Variants in ARHGAP27 observed in about 807,000 individuals in gnomAD.
ARHGAP27 encodes rho GTPase-activating protein 27.
Under a neutral mutation model 102.0 loss-of-function variants are expected in ARHGAP27, and 53 were observed. The ratio of observed to expected loss-of-function variants is 0.52; its 90% CI spans 0.42 to 0.65. The LOEUF is 0.65. Among genes scored for constraint, ARHGAP27 ranks in the 30% least tolerant of loss-of-function variants. ARHGAP27 has a pLI of 0.00. For synonymous variants in ARHGAP27, 525 were observed against 542.8 expected (o/e 0.97, Z 0.46); for missense variants, 1,117 against 1,256.2 (o/e 0.89, Z 1.68).
Position 45,432,824 on chromosome 17 carries a change from CCCT to C in ARHGAP27, c.-360_-358del, listed in dbSNP as rs2050158800. On this transcript the variant is annotated 5_prime_UTR_variant, in exon 1 of 20. Coordinates refer to ENST00000685559, the MANE Select transcript of ARHGAP27 (RefSeq NM_001282290.2). Reference sequence around the variant, plus strand: ...GCGCGTGGGCTCGGCGTCCCGCGCTCCCTCCTCGACTGTGCGGCTCCCGCGCTG... The same window carrying C: ...GCGCGTGGGCTCGGCGTCCCGCGCTCCCTCGACTGTGCGGCTCCCGCGCTG... 6.5e-6 allele frequency: 1 copy of C among 152,968 alleles called. No homozygotes were observed. The highest frequency in any genetic ancestry group is 2.1e-4 in the South Asian group (1 of 4,862). The allele number at this position is 152,968 out of a possible 1,614,324, so 9.5% of individuals were successfully genotyped here. A position where few individuals can be genotyped will look rare whatever the true frequency, so the allele number is the denominator to read the frequency against.
At chr17:45,396,617 C>A in intron 15 of ARHGAP27, 32 bp from the exon 16 acceptor site, 1 of 1,610,988 alleles carries the variant, frequency 6.2e-7, no homozygotes, top group Non-Finnish European at 8.5e-7. Flanking sequence ...TCCTGCCCAG[C>A]CTGCGCCCCG....
Position 45,395,490 on chromosome 17 carries a change from A to T in ARHGAP27, c.2636T>A (p.Leu879Gln). 1 of 1,584,720 alleles carries T rather than the reference A, an allele frequency of 6.3e-7. No individual in the cohort carries two copies. Among genetic ancestry groups the T allele is most frequent in the Non-Finnish European group, 8.6e-7 (1 of 1,164,688 alleles). ...VFQNQVVELI[L>Q]QQCADIFPPH The stretch of plus-strand genomic sequence containing the variant: ...CGGGAAGATGTCCGCGCACTGCTGC[A>T]GGATGAGCTCCACCACCTGGTTCTG... Residue 879 changes from leucine (L) to glutamine (Q), a missense_variant, in exon 20 of 20, where the codon CTG (leucine) becomes CAG (glutamine). By Grantham distance (113) the Leu-to-Gln change is moderately radical. This residue lies in a region of ARHGAP27 where 493 missense variants were observed against 505.5 expected (regional missense o/e 0.98). Transcript: ENST00000685559.
At chr17:45,397,329 C>G in intron 13 of ARHGAP27, 1 of 1,278,246 alleles carries the variant, frequency 7.8e-7, no homozygotes, top group Non-Finnish European at 9.9e-7. Context: ...CTCAGCTCCT[C>G]TAACTGGGTC....
chr17:45,409,758 T>A (rs2047671350), intron 4 of ARHGAP27: 1 of 160,648 alleles, frequency 6.2e-6, no homozygotes, highest in African/African-American at 2.4e-5. Context: ...CCACATCCTC[T>A]GGCCTTCAAG....
Position 45,395,730 on chromosome 17 carries a change from G to C in ARHGAP27, c.2492+14C>G. 6.3e-7 allele frequency: 1 copy of C among 1,581,804 alleles called. No homozygotes were observed. The highest frequency in any genetic ancestry group is 1.1e-5 in the South Asian group (1 of 87,626). Reference sequence around the variant, plus strand: ...GACCTGCCTCCCCCTTCCCGCGCGGGCCGCCCGGCTCACCGGCAGAGGTGC... The same window carrying C: ...GACCTGCCTCCCCCTTCCCGCGCGGCCCGCCCGGCTCACCGGCAGAGGTGC... On this transcript the variant is annotated intron_variant, in intron 19 of 19. Coordinates refer to ENST00000685559, the MANE Select transcript of ARHGAP27 (RefSeq NM_001282290.2).
chr17:45,422,760 C>T (rs2049162842), intron 4 of ARHGAP27, among the ~76,000 whole-genome samples: 2 of 152,156 alleles, frequency 1.3e-5, no homozygotes, highest in Non-Finnish European at 2.9e-5. Context: ...TAACACATCT[C>T]TATCAGAATT....
intron 4 of ARHGAP27, among the ~76,000 whole-genome samples, chr17:45,424,628 TA>T (rs1416893623): frequency 6.8e-6 from 1 of 146,050 alleles, no homozygotes; most frequent in Non-Finnish European, 1.5e-5. Context: ...TGCAAAGGCC[TA>T]AGAATGATAT....
At chr17:45,399,689 C>T (rs1567695551) in intron 12 of ARHGAP27, among the ~76,000 whole-genome samples, 1 of 151,798 alleles carries the variant, frequency 6.6e-6, no homozygotes, top group Non-Finnish European at 1.5e-5. Context: ...GCAGATAACA[C>T]AGCCTCACTC....
intron 12 of ARHGAP27, among the ~76,000 whole-genome samples, chr17:45,401,159 T>C (rs1051013175): frequency 4.6e-5 from 7 of 151,874 alleles, no homozygotes; most frequent in Admixed American, 1.3e-4. Flanking sequence ...CTGGGCAACA[T>C]AGTGAGCCCC....
chr17:45,414,724 C>T (rs561225668), intron 4 of ARHGAP27, among the ~76,000 whole-genome samples: 117 of 147,016 alleles, frequency 8.0e-4, no homozygotes, highest in African/African-American at 2.9e-3. Flanking sequence ...GCTGGGATTA[C>T]AGGCCTGAGC....
chr17:45,413,569 A>G (rs1288082781), intron 4 of ARHGAP27, among the ~76,000 whole-genome samples: 2 of 152,170 alleles, frequency 1.3e-5, no homozygotes, highest in Non-Finnish European at 2.9e-5. Context: ...TCCCACACCC[A>G]TGGGGATTGG....
At position 45,395,568 on chromosome 17, in the gene ARHGAP27, G is replaced by A. The variant is rs761038630; in HGVS notation, c.2558C>T (p.Thr853Met). 36 of 1,605,238 alleles carry A rather than the reference G, an allele frequency of 2.2e-5. No individual in the cohort carries two copies. The highest frequency in any genetic ancestry group is 3.0e-5 in the Non-Finnish European group (35 of 1,176,190). ...VQSVAIVFGP[T>M]LLRPEVEETS... Reference sequence around the variant, plus strand: ...CTCTTCCACCTCGGGCCGCAGCAGCGTGGGCCCGAACACAATGGCCACGCT... The same window carrying A: ...CTCTTCCACCTCGGGCCGCAGCAGCATGGGCCCGAACACAATGGCCACGCT... Residue 853 changes from threonine (T) to methionine (M), a missense_variant, in exon 20 of 20, where the codon ACG (threonine) becomes ATG (methionine). Coordinates refer to ENST00000685559, the MANE Select transcript of ARHGAP27 (RefSeq NM_001282290.2).
chr17:45,411,245 C>T (rs998949952), intron 4 of ARHGAP27, among the ~76,000 whole-genome samples: 4 of 152,152 alleles, frequency 2.6e-5, no homozygotes, highest in Non-Finnish European at 5.9e-5. Flanking sequence ...TAAGAAGTTA[C>T]AGCCCCTCCT....
rs1214786657 is a variant in ARHGAP27 at position 45,394,839 on chromosome 17, C to A, written c.*617G>T. 6.5e-6 allele frequency: 1 copy of A among 152,802 alleles called. No individual in the cohort carries two copies. The highest frequency in any genetic ancestry group is 1.5e-5 in the Non-Finnish European group (1 of 68,540). 9.5% of individuals were successfully genotyped at this position (152,802 alleles called of 1,614,324 possible). ...CAGAACACCAGTGGGTCAAGGACAG[C>A]AGAGGCCCGGGACCCCCAACAGGAA... On this transcript the variant is annotated 3_prime_UTR_variant, in exon 20 of 20. Coordinates refer to ENST00000685559, the MANE Select transcript of ARHGAP27 (RefSeq NM_001282290.2).
chr17:45,397,007 T>C lies in ARHGAP27; in HGVS notation c.1860A>G (p.Pro620=), dbSNP rs141557651. 1.5e-4 allele frequency: 248 copies of C among 1,603,710 alleles called. No individual in the cohort carries two copies. The highest frequency in any genetic ancestry group is 2.0e-4 in the Non-Finnish European group (240 of 1,179,972). ...GIQELSAELP[P]EESESSRVDF... ...CCACTCTGCTGCTCTCGCTCTCCTC[T>C]GGGGGCAGCTCTGCGGACTGGATTC... is the stretch of plus-strand genomic sequence containing the variant. The change falls in exon 14 of 20, where the codon CCA becomes CCG. Residue 620 remains proline (P), a synonymous_variant. Coordinates refer to ENST00000685559, the MANE Select transcript of ARHGAP27 (RefSeq NM_001282290.2).
intron 16 of ARHGAP27, 43 bp downstream of exon 16, chr17:45,396,444 G>A: frequency 6.7e-7 from 1 of 1,487,788 alleles, no homozygotes; most frequent in Non-Finnish European, 8.9e-7. Context: ...GAGGCCTGCG[G>A]GCACCCCAAT....
At chr17:45,429,562 C>A (rs1224141720) in intron 4 of ARHGAP27, 61 bp downstream of exon 4, 2 of 1,566,800 alleles carry the variant, frequency 1.3e-6, no homozygotes, top group East Asian at 2.3e-5. Context: ...CGCCCCGGCT[C>A]CGTGCGGGCG....
At chr17:45,405,156 T>C in intron 5 of ARHGAP27, 50 bp from the exon 6 acceptor site, 6 of 1,474,984 alleles carry the variant, frequency 4.1e-6, no homozygotes, top group Non-Finnish European at 5.4e-6. Context: ...CAGTACTGCC[T>C]GCTGGCCCTG....
Position 45,430,139 on chromosome 17 carries a change from G to GTGCC in ARHGAP27, c.137_140dup (p.His47GlnfsTer6). ...GGCGGCCGCCGGGCTCACGCCGCAC[G>GTGCC]TGCCACCAGTGCTCGGTGCTGCGCC... On this transcript the variant is annotated frameshift_variant, in exon 4 of 20. Coordinates refer to ENST00000685559, the MANE Select transcript of ARHGAP27 (RefSeq NM_001282290.2). LOFTEE classifies it high-confidence loss of function. The surrounding 1 kb of genome is among the most constrained non-coding windows in gnomAD (Gnocchi z 4.4). The GTGCC allele has an allele frequency of 6.5e-7, 1 of 1,530,676 alleles. No homozygotes were observed. Among genetic ancestry groups the GTGCC allele is most frequent in the Non-Finnish European group, 8.7e-7 (1 of 1,145,130 alleles). 94.8% of individuals were successfully genotyped at this position (1,530,676 alleles called of 1,614,324 possible). A position where few individuals can be genotyped will look rare whatever the true frequency, so the allele number is the denominator to read the frequency against.
Sources: allele counts gnomAD v4.1 joint callset (sites outside exome capture counted in the v4.1 genomes callset), GRCh38; gene constraint gnomAD v4.1.1; regional missense constraint gnomAD v4.1.1; non-coding constraint Gnocchi (gnomAD v3.1); transcripts MANE v1.5; gene names NCBI Gene and HGNC (gene_info 2026-07-23, HGNC 2026-07-21).